CDK14: variants seen among roughly 807,000 people sequenced by gnomAD.
CDK14 encodes the protein cyclin-dependent kinase 14.
A neutral mutation model predicts 60.7 loss-of-function variants in CDK14; 34 were observed. The ratio of observed to expected loss-of-function variants is 0.56; its 90% CI spans 0.43 to 0.75. The LOEUF (loss-of-function observed/expected upper bound fraction) is 0.75, where lower values mean the gene tolerates loss of function less well. CDK14 is among the 30% of genes least tolerant of loss of function. CDK14 has a pLI of 0.00. For synonymous variants in CDK14, 197 were observed against 203.7 expected (o/e 0.97, Z 0.28); for missense variants, 482 against 564.1 (o/e 0.85, Z 1.47).
At chr7:90,762,348 G>C (rs1279933615) in intron 4 of CDK14, among the ~76,000 whole-genome samples, 1 of 152,028 alleles carries the variant, frequency 6.6e-6, no homozygotes, top group Non-Finnish European at 1.5e-5. Flanking sequence ...GTCCCTCCAG[G>C]GTTTGGCACC....
chr7:91,142,695 A>C (rs1800504696), intron 14 of CDK14, among the ~76,000 whole-genome samples: 3 of 152,216 alleles, frequency 2.0e-5, no homozygotes, highest in African/African-American at 7.2e-5. Context: ...AAGCTTCATC[A>C]GGTAAAGTTG....
chr7:91,060,008 T>C (rs1354102640), intron 11 of CDK14, among the ~76,000 whole-genome samples: 4 of 152,178 alleles, frequency 2.6e-5, no homozygotes, highest in East Asian at 1.9e-4. Context: ...AGTCGGGTGC[T>C]AAAGTCTCCC....
At chr7:90,921,476 C>A (rs150841782) in intron 8 of CDK14, among the ~76,000 whole-genome samples, 114 of 152,042 alleles carry the variant, frequency 7.5e-4, no homozygotes, top group African/African-American at 2.7e-3. Context: ...TTAGTTTTTG[C>A]TTAAACTGCT....
At chr7:90,853,601 T>C (rs1790721191) in intron 5 of CDK14, among the ~76,000 whole-genome samples, 1 of 152,188 alleles carries the variant, frequency 6.6e-6, no homozygotes, top group Non-Finnish European at 1.5e-5. Context: ...CAGTGATTTT[T>C]AAACTTTAGG....
chr7:90,775,643 C>CCCCCTTCCCCTCCCCCTTCCCCTT (rs1562763855), intron 4 of CDK14, among the ~76,000 whole-genome samples: 1 of 101,666 alleles, frequency 9.8e-6, no homozygotes, highest in African/African-American at 3.5e-5. Flanking sequence ...CCCTTCCCCT[C>CCCCCTTCCCCTCCCCCTTCCCCTT]CCCCTTCCCC....
intron 9 of CDK14, among the ~76,000 whole-genome samples, chr7:90,979,978 TATA>T (rs1290417363): frequency 6.6e-6 from 1 of 152,134 alleles, no homozygotes; most frequent in African/African-American, 2.4e-5. Context: ...GTTATAATTT[TATA>T]ATCTTTTTAA....
intron 10 of CDK14, among the ~76,000 whole-genome samples, chr7:90,991,962 C>T (rs1795551768): frequency 6.6e-6 from 1 of 152,026 alleles, no homozygotes; most frequent in African/African-American, 2.4e-5. Context: ...CCTCCCTGGT[C>T]AATAGTTCTA....
At chr7:91,017,568 G>A (rs894833419) in intron 10 of CDK14, among the ~76,000 whole-genome samples, 1 of 152,184 alleles carries the variant, frequency 6.6e-6, no homozygotes, top group African/African-American at 2.4e-5. Context: ...AGCAGTAGGT[G>A]CTTGGTGGTG....
intron 14 of CDK14, among the ~76,000 whole-genome samples, chr7:91,174,929 A>C (rs1801673284): frequency 6.9e-6 from 1 of 144,856 alleles, no homozygotes; most frequent in Admixed American, 6.9e-5. Flanking sequence ...AAGGAAGGCC[A>C]ACATTCAGAT....
chr7:91,052,661 G>A (rs972068684), intron 11 of CDK14, among the ~76,000 whole-genome samples: 4 of 151,876 alleles, frequency 2.6e-5, no homozygotes, highest in African/African-American at 7.3e-5. Flanking sequence ...AGTTCAGTGA[G>A]GAAAAAAATG....
At chr7:90,989,625 TG>T (rs1795475372) in intron 10 of CDK14, among the ~76,000 whole-genome samples, 1 of 152,340 alleles carries the variant, frequency 6.6e-6, no homozygotes, top group Non-Finnish European at 1.5e-5. Context: ...GGTCAGCAGA[TG>T]TGAGACCCAG....
intron 12 of CDK14, among the ~76,000 whole-genome samples, chr7:91,088,574 TGTG>T (rs1798707532): frequency 7.8e-6 from 1 of 127,960 alleles, no homozygotes; most frequent in Non-Finnish European, 1.6e-5. Flanking sequence ...TATATATGTG[TGTG>T]TGTGTGTGTG....
chr7:90,810,988 T>C, intron 5 of CDK14, among the ~76,000 whole-genome samples: 1 of 152,120 alleles, frequency 6.6e-6, no homozygotes, highest in East Asian at 1.9e-4. Context: ...AATGGAAGAA[T>C]ATTCCCTGCT....
chr7:90,596,550 C>T lies in CDK14; in HGVS notation c.-78C>T. The T allele has an allele frequency of 1.2e-5, 15 of 1,273,958 alleles. No individual in the cohort carries two copies. The highest frequency in any genetic ancestry group is 2.5e-5 in the South Asian group (2 of 81,540). 78.9% of individuals were successfully genotyped at this position (1,273,958 alleles called of 1,614,324 possible). ...GTGGAGGAGGAGGCGCCGCTTTCCC[C>T]GCGGCGCGCGCCCTCGCCGTTGTCT... is the stretch of plus-strand genomic sequence containing the variant. On this transcript the variant is annotated 5_prime_UTR_variant, in exon 1 of 15. Transcript: ENST00000380050.
chr7:90,731,123 T>G (rs1328873748), intron 3 of CDK14, among the ~76,000 whole-genome samples: 2 of 148,362 alleles, frequency 1.3e-5, no homozygotes, highest in Non-Finnish European at 3.0e-5. Context: ...CTTTTCCTAT[T>G]GCTTTGTTTT....
intron 14 of CDK14, among the ~76,000 whole-genome samples, chr7:91,120,856 T>C (rs1393366021): frequency 6.6e-6 from 1 of 152,054 alleles, no homozygotes; most frequent in Non-Finnish European, 1.5e-5. Flanking sequence ...TTTAATATTA[T>C]TGTTGGTGTA....
chr7:90,920,994 CT>C (rs1441316692), intron 8 of CDK14, among the ~76,000 whole-genome samples: 1 of 151,884 alleles, frequency 6.6e-6, no homozygotes, highest in Non-Finnish European at 1.5e-5. Context: ...GCCTTATTTT[CT>C]ATATGCATTT....
chr7:91,094,319 G>A (rs1246937035), intron 12 of CDK14, among the ~76,000 whole-genome samples: 1 of 151,862 alleles, frequency 6.6e-6, no homozygotes, highest in Non-Finnish European at 1.5e-5. Context: ...ATATTTTCAG[G>A]GATGTACTCT....
intron 11 of CDK14, among the ~76,000 whole-genome samples, chr7:91,060,346 C>T (rs1177597177): frequency 6.6e-6 from 1 of 151,696 alleles, no homozygotes; most frequent in Non-Finnish European, 1.5e-5. Context: ...GGTCTTGACT[C>T]TTTATCTAAT....
Sources: allele counts gnomAD v4.1 joint callset (sites outside exome capture counted in the v4.1 genomes callset), GRCh38; gene constraint gnomAD v4.1.1; transcripts MANE v1.5; gene names NCBI Gene and HGNC (gene_info 2026-07-23, HGNC 2026-07-21).